NFIB: variants seen among roughly 807,000 people sequenced by gnomAD.
NFIB encodes the protein nuclear factor 1 B-type.
A neutral mutation model predicts 61.5 loss-of-function variants in NFIB; 11 were observed. The ratio of observed to expected loss-of-function variants is 0.18; its 90% CI spans 0.11 to 0.30. The LOEUF (loss-of-function observed/expected upper bound fraction) is 0.30. Ranked by LOEUF, NFIB falls within the 10% of genes least tolerant of loss-of-function variation. The pLI, the probability that NFIB is intolerant of heterozygous loss-of-function variation, is 1.00. For missense variants in NFIB, 471 were observed against 608.9 expected, an observed-to-expected ratio of 0.77 and a Z score of 2.38; for synonymous variants, 260 against 216.5, an observed-to-expected ratio of 1.20 and a Z score of -1.76.
At chr9:14,487,221 C>T in the NFIB span, among the ~76,000 whole-genome samples, 3 of 152,196 alleles carry the variant, frequency 2.0e-5, no homozygotes, top group African/African-American at 7.2e-5. Flanking sequence ...TGCCTTTCTT[C>T]CCTTCATGCA....
At chr9:14,190,747 T>G (rs2047859187) in intron 2 of NFIB, among the ~76,000 whole-genome samples, 1 of 152,206 alleles carries the variant, frequency 6.6e-6, no homozygotes, top group Non-Finnish European at 1.5e-5. Context: ...TTTTCCTTTT[T>G]GTAAAAAGAG....
At chr9:14,517,126 AC>A in the NFIB span, among the ~76,000 whole-genome samples, 2 of 152,234 alleles carry the variant, frequency 1.3e-5, no homozygotes, top group African/African-American at 4.8e-5. Flanking sequence ...ATTGGGAGCC[AC>A]TAGGGCAGGA....
chr9:14,427,925 T>C, the NFIB span, among the ~76,000 whole-genome samples: 2 of 146,952 alleles, frequency 1.4e-5, no homozygotes, highest in Non-Finnish European at 3.0e-5. Flanking sequence ...TACATTATTC[T>C]TTAATTCAGT....
the NFIB span, among the ~76,000 whole-genome samples, chr9:14,500,527 C>T: frequency 4.6e-5 from 7 of 152,156 alleles, no homozygotes; most frequent in South Asian, 1.5e-3. Flanking sequence ...TCTTTTACAC[C>T]CTCTTATAAA....
the NFIB span, among the ~76,000 whole-genome samples, chr9:14,516,081 C>T: frequency 7.9e-5 from 12 of 152,346 alleles, no homozygotes; most frequent in Admixed American, 7.8e-4. Context: ...CTGAATTTAG[C>T]CCCACAGCAG....
At chr9:14,129,384 G>A (rs113433778) in intron 6 of NFIB, among the ~76,000 whole-genome samples, 6 of 125,628 alleles carry the variant, frequency 4.8e-5, no homozygotes, top group African/African-American at 6.0e-5. Context: ...GTGAATCCCC[G>A]CTCAAAAAAA....
At chr9:14,460,318 T>C in the NFIB span, among the ~76,000 whole-genome samples, 1 of 145,600 alleles carries the variant, frequency 6.9e-6, no homozygotes, top group Non-Finnish European at 1.5e-5. Context: ...AATTGAACAA[T>C]GAGAACACTT....
chr9:14,262,771 GTTT>G (rs898943079), intron 2 of NFIB, among the ~76,000 whole-genome samples: 1 of 151,956 alleles, frequency 6.6e-6, no homozygotes, highest in Non-Finnish European at 1.5e-5. Context: ...GCAGCTGTTT[GTTT>G]TTTGTTTATT....
At chr9:14,315,573 G>A (rs2060506470), upstream of NFIB, among the ~76,000 whole-genome samples, 1 of 143,744 alleles carries the variant, frequency 7.0e-6, no homozygotes, top group Non-Finnish European at 1.5e-5. Flanking sequence ...GCGCGCCGCT[G>A]CAGCCCTCCA....
At chr9:14,217,519 G>A (rs2051063699) in intron 2 of NFIB, among the ~76,000 whole-genome samples, 1 of 152,006 alleles carries the variant, frequency 6.6e-6, no homozygotes, top group Non-Finnish European at 1.5e-5. Flanking sequence ...AATTGGCTGG[G>A]CGTGGTGGCG....
At chr9:14,378,419 C>T (rs1260419523) in intron 1 of NFIB, among the ~76,000 whole-genome samples, 6 of 152,098 alleles carry the variant, frequency 3.9e-5, no homozygotes, top group Non-Finnish European at 7.4e-5. Flanking sequence ...TGCAGTGGCG[C>T]AATTTTGGCT....
chr9:14,437,587 C>T, the NFIB span, among the ~76,000 whole-genome samples: 1 of 152,204 alleles, frequency 6.6e-6, no homozygotes, highest in African/African-American at 2.4e-5. Context: ...TCTCCTCAGG[C>T]TTCCTGGAGC....
At chr9:14,504,071 T>C in the NFIB span, among the ~76,000 whole-genome samples, 1 of 152,156 alleles carries the variant, frequency 6.6e-6, no homozygotes, top group Non-Finnish European at 1.5e-5. Context: ...TTGTTGAATA[T>C]GATGTCCTTT....
the NFIB span, among the ~76,000 whole-genome samples, chr9:14,471,204 A>G: frequency 7.9e-5 from 12 of 152,216 alleles, no homozygotes; most frequent in African/African-American, 2.7e-4. Flanking sequence ...TTTCACTTAA[A>G]CAGGATTGAT....
At chr9:14,449,468 G>C in the NFIB span, among the ~76,000 whole-genome samples, 289 of 152,250 alleles carry the variant, frequency 1.9e-3, 2 homozygotes, top group Admixed American at 3.4e-3. Context: ...AGCTATAATA[G>C]CATTCTAAAG....
At chr9:14,272,041 C>T (rs2057662604) in intron 2 of NFIB, among the ~76,000 whole-genome samples, 1 of 152,126 alleles carries the variant, frequency 6.6e-6, no homozygotes, top group Non-Finnish European at 1.5e-5. Context: ...AGGCAAATTC[C>T]ATCCAGTGGC....
chr9:14,314,178 G>A, upstream of NFIB: 1 of 912,662 alleles, frequency 1.1e-6, no homozygotes, highest in South Asian at 5.2e-5. Flanking sequence ...GAGGGCCGGG[G>A]TGGGGGCGGG....
rs1170752434 is a variant in NFIB, at chr9:14,084,438, C to T, written c.*3871G>A. On this transcript the variant is annotated 3_prime_UTR_variant, in exon 11 of 11. Transcript: ENST00000380953. ...ATATTTTTTAATGGAGCTGCCCACC[C>T]GAACATTACCCGATAACTATATTGC... 3.6e-5 allele frequency: 8 copies of T among 224,880 alleles called. No homozygotes were observed. Among genetic ancestry groups the T allele is most frequent in the Non-Finnish European group, 7.1e-5 (8 of 112,606 alleles). 13.9% of individuals were successfully genotyped at this position (224,880 alleles called of 1,614,324 possible). A position where few individuals can be genotyped will look rare whatever the true frequency, so the allele number is the denominator to read the frequency against.
chr9:14,328,171 G>T (rs2060777630), intron 1 of NFIB, among the ~76,000 whole-genome samples: 2 of 152,066 alleles, frequency 1.3e-5, no homozygotes, highest in South Asian at 2.1e-4. Context: ...TTGTGATAAG[G>T]TCTTACTCTG....
Sources: gnomAD v4.1 joint callset for allele counts (sites outside exome capture counted in the v4.1 genomes callset) on GRCh38, gnomAD v4.1.1 for gene constraint, MANE v1.5 for transcripts, NCBI Gene and HGNC (gene_info 2026-07-23, HGNC 2026-07-21) for gene names.